Variants in GRM1 observed in about 807,000 individuals in gnomAD.
The protein encoded by GRM1 is glutamate metabotropic receptor 1.
Under a neutral mutation model 90.9 loss-of-function variants are expected in GRM1, and 33 were observed. The observed-to-expected ratio is 0.36, with a 90% CI of 0.28 to 0.49. GRM1 has a LOEUF of 0.49. Among genes scored for constraint, GRM1 ranks in the 20% least tolerant of loss-of-function variants. GRM1 has a pLI of 0.99. For synonymous variants in GRM1, 700 were observed against 613.2 expected, an observed-to-expected ratio of 1.14 and a Z score of -2.09; for missense variants, 1,190 against 1,534.3, an observed-to-expected ratio of 0.78 and a Z score of 3.75.
intron 1 of GRM1, among the ~76,000 whole-genome samples, chr6:146,121,533 G>A (rs2128877372): frequency 6.6e-6 from 1 of 152,178 alleles, no homozygotes; most frequent in South Asian, 2.1e-4. Flanking sequence ...ATGTTAGGGT[G>A]TCAATTTTAG....
At chr6:146,148,891 T>C (rs912866443) in intron 1 of GRM1, among the ~76,000 whole-genome samples, 1 of 152,166 alleles carries the variant, frequency 6.6e-6, no homozygotes, top group African/African-American at 2.4e-5. Context: ...TTTGATTATA[T>C]ACCAATACCA....
chr6:146,208,849 C>A (rs1779581378), intron 2 of GRM1, among the ~76,000 whole-genome samples: 1 of 151,994 alleles, frequency 6.6e-6, no homozygotes, highest in Admixed American at 6.6e-5. Context: ...TTATAAATGC[C>A]AGTGATTATA....
At chr6:146,080,892 G>A (rs1189441161) in intron 1 of GRM1, among the ~76,000 whole-genome samples, 1 of 152,180 alleles carries the variant, frequency 6.6e-6, no homozygotes, top group Non-Finnish European at 1.5e-5. Context: ...CCCAAACATA[G>A]CCTTACACAT....
chr6:146,287,580 A>G (rs567155565), intron 2 of GRM1, among the ~76,000 whole-genome samples: 27 of 152,304 alleles, frequency 1.8e-4, no homozygotes, highest in East Asian at 7.7e-4. Flanking sequence ...TCAATCTCCA[A>G]TGAATTTAGC....
intron 2 of GRM1, among the ~76,000 whole-genome samples, chr6:146,259,009 C>A (rs1229184665): frequency 6.6e-6 from 1 of 152,164 alleles, no homozygotes; most frequent in African/African-American, 2.4e-5. Flanking sequence ...CTGAAGAGTT[C>A]TTGCCTGGCT....
At chr6:146,034,024 T>A (rs954264633) in intron 1 of GRM1, among the ~76,000 whole-genome samples, 3 of 151,958 alleles carry the variant, frequency 2.0e-5, no homozygotes, top group African/African-American at 7.2e-5. Flanking sequence ...GAAATAGGAG[T>A]GTTTTGAAAG....
At chr6:146,128,802 A>G (rs761352618) in intron 1 of GRM1, among the ~76,000 whole-genome samples, 2 of 152,120 alleles carry the variant, frequency 1.3e-5, no homozygotes, top group Non-Finnish European at 2.9e-5. Context: ...TTCGTTTTAA[A>G]AGAATTGTCT....
intron 2 of GRM1, among the ~76,000 whole-genome samples, chr6:146,202,917 C>G (rs934884729): frequency 1.3e-5 from 2 of 152,100 alleles, no homozygotes; most frequent in African/African-American, 4.8e-5. Context: ...CTGAATTGGC[C>G]GGGCGCGGTG....
In GRM1 at chr6:146,256,228, G is replaced by A. The variant is rs1190035008; in HGVS notation, c.951-48383G>A. On this transcript the variant is annotated intron_variant, in intron 2 of 7. Transcript: ENST00000282753. ...GGAAATAATAGAGCCCATATCCTAG[G>A]GTCTTCTGAATGTTAAATGAGAAAA... Among the ~76,000 whole-genome samples the A allele has an allele frequency of 3.3e-5, 5 of 152,106 alleles. No individual in the cohort carries two copies. The East Asian group carries it at 7.7e-4, about 23-fold the overall frequency.
chr6:146,126,273 A>T (rs1776195759), intron 1 of GRM1, among the ~76,000 whole-genome samples: 1 of 152,182 alleles, frequency 6.6e-6, no homozygotes, highest in African/African-American at 2.4e-5. Flanking sequence ...GTTCATATTG[A>T]TGACATAATA....
chr6:146,255,869 A>G (rs1156935737), intron 2 of GRM1, among the ~76,000 whole-genome samples: 1 of 152,152 alleles, frequency 6.6e-6, no homozygotes, highest in East Asian at 1.9e-4. Context: ...TGTGTCTCTA[A>G]TCAAGCATTC....
rs575019040 is a variant in GRM1, at chr6:146,389,558, C to G, written c.1729+2542C>G. On this transcript the variant is annotated intron_variant, in intron 6 of 7. Transcript: ENST00000282753. ...ATTTCCGTTGATTAGGGATCTTTAA[C>G]TTGGTAAAATATTTTTAAAATTCTC... Among the ~76,000 whole-genome samples the G allele has an allele frequency of 4.5e-4, 68 of 152,104 alleles. 1 individual carries two copies. Among genetic ancestry groups the G allele is most frequent in the Non-Finnish European group, 8.2e-4 (56 of 67,974 alleles).
At chr6:146,290,717 G>A (rs1028222930) in intron 2 of GRM1, among the ~76,000 whole-genome samples, 1 of 152,108 alleles carries the variant, frequency 6.6e-6, no homozygotes, top group African/African-American at 2.4e-5. Flanking sequence ...CAGATAATTT[G>A]TTTTCTAATT....
chr6:146,144,415 G>T lies in GRM1; in HGVS notation c.701-14933G>T, dbSNP rs1777011046. Among the ~76,000 whole-genome samples the T allele has an allele frequency of 2.6e-5, 4 of 152,174 alleles. No individual in the cohort carries two copies. In the South Asian group the frequency reaches 8.3e-4, roughly 31 times the overall value. Reference sequence around the variant, plus strand: ...CTTGTGGCTTTATAGAAAGAAGAGAGACTTGAGCTACCACACTCAACCTCT... The same window carrying T: ...CTTGTGGCTTTATAGAAAGAAGAGATACTTGAGCTACCACACTCAACCTCT... On this transcript the variant is annotated intron_variant, in intron 1 of 7. Coordinates refer to ENST00000282753, the MANE Select transcript of GRM1 (RefSeq NM_001278064.2).
chr6:146,151,132 G>A (rs1777319628), intron 1 of GRM1, among the ~76,000 whole-genome samples: 1 of 152,134 alleles, frequency 6.6e-6, no homozygotes, highest in Non-Finnish European at 1.5e-5. Flanking sequence ...TGACCCAAGG[G>A]ACCAGACCAG....
chr6:146,145,845 C>T (rs1435346793), intron 1 of GRM1, among the ~76,000 whole-genome samples: 2 of 152,192 alleles, frequency 1.3e-5, no homozygotes, highest in East Asian at 3.9e-4. Flanking sequence ...TGTGCAGTGC[C>T]AGTCTGGGAC....
chr6:146,244,421 T>C (rs1316013882), intron 2 of GRM1, among the ~76,000 whole-genome samples: 1 of 152,234 alleles, frequency 6.6e-6, no homozygotes, highest in Non-Finnish European at 1.5e-5. Flanking sequence ...CCATTTGGGG[T>C]CCCTGACTTC....
intron 2 of GRM1, among the ~76,000 whole-genome samples, chr6:146,273,844 A>G (rs1415023594): frequency 1.3e-5 from 2 of 152,224 alleles, no homozygotes; most frequent in African/African-American, 4.8e-5. Flanking sequence ...TGAAAAGGCA[A>G]TTATGAGGAG....
At chr6:146,248,508 A>G (rs994961214) in intron 2 of GRM1, among the ~76,000 whole-genome samples, 1 of 152,154 alleles carries the variant, frequency 6.6e-6, no homozygotes, top group Non-Finnish European at 1.5e-5. Flanking sequence ...TGCCATGTAA[A>G]GAAGGTCCTT....
Sources: gnomAD v4.1 joint callset for allele counts (sites outside exome capture counted in the v4.1 genomes callset) on GRCh38, gnomAD v4.1.1 for gene constraint, MANE v1.5 for transcripts, NCBI Gene and HGNC (gene_info 2026-07-23, HGNC 2026-07-21) for gene names.